The following BMAL1 variants were observed in gnomAD, a reference collection of about 807,000 sequenced individuals.
BMAL1 encodes the protein basic helix-loop-helix ARNT-like protein 1.
the BMAL1 span, among the ~76,000 whole-genome samples, chr11:13,284,110 G>GTGTGTATATA: frequency 1.2e-4 from 6 of 48,514 alleles, 2 homozygotes; most frequent in African/African-American, 4.2e-4. Context: ...GTGTGTGTGT[G>GTGTGTATATA]TATATATATG....
the BMAL1 span, among the ~76,000 whole-genome samples, chr11:13,373,613 C>T: frequency 1.3e-5 from 2 of 152,134 alleles, no homozygotes; most frequent in African/African-American, 4.8e-5. Flanking sequence ...CTCAAGCAGT[C>T]CTCCCACCTC....
the BMAL1 span, among the ~76,000 whole-genome samples, chr11:13,283,835 C>T: frequency 1.3e-5 from 2 of 152,012 alleles, no homozygotes; most frequent in Non-Finnish European, 2.9e-5. Flanking sequence ...TCTCTGGCCT[C>T]CCCCTGCTTT....
chr11:13,322,197 A>C, the BMAL1 span, among the ~76,000 whole-genome samples: 2 of 152,134 alleles, frequency 1.3e-5, no homozygotes, highest in South Asian at 4.1e-4. Flanking sequence ...GTCCAGATTG[A>C]ATGAGAAGGA....
At chr11:13,279,072 C>T in the BMAL1 span, among the ~76,000 whole-genome samples, 2 of 152,198 alleles carry the variant, frequency 1.3e-5, no homozygotes, top group Non-Finnish European at 2.9e-5. Context: ...CCGCCGCGCA[C>T]CCCGCACCTC....
At chr11:13,308,509 G>A in the BMAL1 span, among the ~76,000 whole-genome samples, 1 of 152,218 alleles carries the variant, frequency 6.6e-6, no homozygotes, top group South Asian at 2.1e-4. Flanking sequence ...AAGAGGTGGG[G>A]AGATGAGGGA....
the BMAL1 span, among the ~76,000 whole-genome samples, chr11:13,286,985 T>A: frequency 3.3e-5 from 5 of 152,068 alleles, no homozygotes; most frequent in South Asian, 2.1e-4. Flanking sequence ...GAAGAAAAAA[T>A]TTTTTTCAAG....
the BMAL1 span, among the ~76,000 whole-genome samples, chr11:13,290,809 C>CG: frequency 1.3e-3 from 193 of 152,172 alleles, 9 homozygotes; most frequent in South Asian, 0.039. Context: ...AGTCCAGTGC[C>CG]CAGCTGCATA....
chr11:13,295,817 C>T, the BMAL1 span, among the ~76,000 whole-genome samples: 1 of 152,194 alleles, frequency 6.6e-6, no homozygotes, highest in Non-Finnish European at 1.5e-5. Flanking sequence ...GAGTTACCAG[C>T]ATCTCAGTGC....
At chr11:13,360,484 C>T in the BMAL1 span, 6 of 1,491,378 alleles carry the variant, frequency 4.0e-6, no homozygotes, top group African/African-American at 1.4e-5. Flanking sequence ...CAAGTAAGTA[C>T]CAGCATGTGG....
chr11:13,357,101 G>T, the BMAL1 span: 1 of 1,614,174 alleles, frequency 6.2e-7, no homozygotes, highest in Non-Finnish European at 8.5e-7. This position sits in a 1 kb window ranked among gnomAD's most constrained non-coding sequence, Gnocchi z 4.8. Flanking sequence ...TGCAAGGTAA[G>T]CTTGGACCTT....
At chr11:13,346,555 A>T in the BMAL1 span, among the ~76,000 whole-genome samples, 1 of 152,268 alleles carries the variant, frequency 6.6e-6, no homozygotes. Context: ...TCAGCTGCCA[A>T]GGCCTCTCTC....
chr11:13,379,306 T>G, the BMAL1 span: 1 of 152,208 alleles, frequency 6.6e-6, no homozygotes, highest in Non-Finnish European at 1.5e-5. Flanking sequence ...CGAAACTTAA[T>G]GTAACATAAG....
the BMAL1 span, among the ~76,000 whole-genome samples, chr11:13,363,899 G>A: frequency 2.4e-4 from 36 of 152,130 alleles, no homozygotes; most frequent in African/African-American, 8.5e-4. Context: ...TGGCCAGGGT[G>A]CTATGGAGTT....
chr11:13,339,266 CT>C, the BMAL1 span, among the ~76,000 whole-genome samples: 43 of 152,252 alleles, frequency 2.8e-4, no homozygotes, highest in African/African-American at 1.0e-3. Context: ...CTCAGACTGA[CT>C]CCTCTTACAC....
the BMAL1 span, among the ~76,000 whole-genome samples, chr11:13,281,063 G>A: frequency 2.0e-5 from 3 of 152,276 alleles, no homozygotes; most frequent in Middle Eastern, 3.4e-3. Context: ...GAGGATTAAG[G>A]GAGATGGTGC....
the BMAL1 span, chr11:13,358,314 A>G: frequency 1.3e-4 from 155 of 1,190,984 alleles, no homozygotes; most frequent in East Asian, 2.0e-3. Context: ...ACATTCTGCA[A>G]ATTCTAAATT....
chr11:13,386,492 A>G, the BMAL1 span: 1 of 1,248,694 alleles, frequency 8.0e-7, no homozygotes, highest in African/African-American at 1.5e-5. Context: ...TCACCCTACC[A>G]TTAAATGTAA....
At chr11:13,331,515 C>G in the BMAL1 span, among the ~76,000 whole-genome samples, 2 of 152,144 alleles carry the variant, frequency 1.3e-5, no homozygotes, top group Non-Finnish European at 2.9e-5. Flanking sequence ...CGAAAGGGAG[C>G]ATAGGACCAG....
At chr11:13,284,102 G>GTATATATATATATA in the BMAL1 span, among the ~76,000 whole-genome samples, 1 of 93,138 alleles carries the variant, frequency 1.1e-5, no homozygotes, top group African/African-American at 3.5e-5. Flanking sequence ...GTGTGTGTGT[G>GTATATATATATATA]TGTGTGTGTA....
Sources: allele counts gnomAD v4.1 joint callset (sites outside exome capture counted in the v4.1 genomes callset), GRCh38; gene constraint gnomAD v4.1.1; non-coding constraint Gnocchi (gnomAD v3.1); transcripts MANE v1.5; gene names NCBI Gene and HGNC (gene_info 2026-07-23, HGNC 2026-07-21).